CERS3: variants seen among roughly 807,000 people sequenced by gnomAD.
CERS3 encodes the protein LAG1 homolog, ceramide synthase 3.
CERS3 carries 33 observed loss-of-function variants against 50.3 expected under a neutral mutation model. That is an observed-to-expected ratio of 0.66 (90% CI 0.50 to 0.88). The LOEUF (loss-of-function observed/expected upper bound fraction) is 0.88, where lower values mean the gene tolerates loss of function less well. Among genes scored for constraint, CERS3 ranks in the 40% least tolerant of loss-of-function variants. The pLI is 0.00. For missense variants in CERS3, 470 were observed against 460.3 expected, an observed-to-expected ratio of 1.02 and a Z score of -0.19; for synonymous variants, 176 against 155.2, an observed-to-expected ratio of 1.13 and a Z score of -0.99.
chr15:100,520,535 C>A (rs1165627835), intron 2 of CERS3, among the ~76,000 whole-genome samples: 1 of 152,192 alleles, frequency 6.6e-6, no homozygotes, highest in African/African-American at 2.4e-5. Flanking sequence ...TCTTTGTGAG[C>A]AGGAAGTATT....
intron 3 of CERS3, among the ~76,000 whole-genome samples, chr15:100,491,636 G>A (rs145834244): frequency 2.4e-3 from 358 of 152,082 alleles, no homozygotes; most frequent in Non-Finnish European, 3.8e-3. Flanking sequence ...TTTCTAGTCC[G>A]TTAAGGTGGA....
intron 1 of CERS3, among the ~76,000 whole-genome samples, chr15:100,537,076 C>T (rs2037092770): frequency 6.6e-6 from 1 of 152,222 alleles, no homozygotes; most frequent in Non-Finnish European, 1.5e-5. Flanking sequence ...CCATATCCTA[C>T]CCTGCCACTT....
At chr15:100,409,108 G>A (rs180761312) in intron 11 of CERS3, among the ~76,000 whole-genome samples, 3 of 152,152 alleles carry the variant, frequency 2.0e-5, no homozygotes, top group Admixed American at 2.0e-4. Context: ...TATGAGGTTG[G>A]CTCTTCGTAT....
At chr15:100,530,433 C>A (rs1318151877), upstream of CERS3, among the ~76,000 whole-genome samples, 1 of 152,226 alleles carries the variant, frequency 6.6e-6, no homozygotes, top group Non-Finnish European at 1.5e-5. Flanking sequence ...GCTTCTGGGC[C>A]CTTGCCATGA....
At chr15:100,435,272 T>G (rs985181591) in intron 11 of CERS3, among the ~76,000 whole-genome samples, 3 of 152,150 alleles carry the variant, frequency 2.0e-5, no homozygotes, top group East Asian at 3.9e-4. Context: ...GTACGGAAGA[T>G]CCCTCGTGTG....
intron 11 of CERS3, among the ~76,000 whole-genome samples, chr15:100,446,322 A>G (rs2033938127): frequency 6.6e-6 from 1 of 152,066 alleles, no homozygotes; most frequent in African/African-American, 2.4e-5. Context: ...CTCTCAAGAA[A>G]ACAAGGTCAT....
chr15:100,405,987 G>T (rs2030995308), intron 11 of CERS3, among the ~76,000 whole-genome samples: 1 of 152,148 alleles, frequency 6.6e-6, no homozygotes, highest in African/African-American at 2.4e-5. Flanking sequence ...CTTCATGCAA[G>T]AACTCTTTCA....
chr15:100,431,777 TG>T (rs1284555217), intron 11 of CERS3, among the ~76,000 whole-genome samples: 2 of 152,228 alleles, frequency 1.3e-5, no homozygotes, highest in African/African-American at 2.4e-5. Flanking sequence ...TAGATTTAAC[TG>T]GTCTGTGTTG....
At chr15:100,512,195 T>C (rs1043981732) in intron 2 of CERS3, among the ~76,000 whole-genome samples, 4 of 152,234 alleles carry the variant, frequency 2.6e-5, no homozygotes, top group African/African-American at 9.6e-5. Flanking sequence ...TTAATGCCTC[T>C]CAACTCCAAA....
intron 2 of CERS3, among the ~76,000 whole-genome samples, chr15:100,511,948 C>T (rs12909740): frequency 3.4e-4 from 6 of 17,446 alleles, no homozygotes; most frequent in Non-Finnish European, 4.9e-4. Flanking sequence ...CGTAAGTCCA[C>T]TGGGAGCCTG....
chr15:100,470,052 C>T (rs774299180), intron 9 of CERS3, among the ~76,000 whole-genome samples: 3 of 152,092 alleles, frequency 2.0e-5, no homozygotes, highest in Non-Finnish European at 2.9e-5. Context: ...CTATACTGCT[C>T]ATATTATCTG....
chr15:100,423,060 C>A (rs1218577813), intron 11 of CERS3, among the ~76,000 whole-genome samples: 10 of 144,334 alleles, frequency 6.9e-5, no homozygotes, highest in Non-Finnish European at 1.4e-4. Flanking sequence ...ACATTGTGCA[C>A]ATGTACCCTA....
At chr15:100,422,932 T>C (rs1318600674) in intron 11 of CERS3, among the ~76,000 whole-genome samples, 8 of 49,228 alleles carry the variant, frequency 1.6e-4, no homozygotes, top group Non-Finnish European at 3.1e-4. Context: ...CTGGGGACTG[T>C]TGTGGGGTGG....
chr15:100,410,903 T>C (rs1427886579), intron 11 of CERS3, among the ~76,000 whole-genome samples: 3 of 149,666 alleles, frequency 2.0e-5, no homozygotes, highest in African/African-American at 7.6e-5. Flanking sequence ...ATCATCACCA[T>C]CCATTCCCAT....
At chr15:100,510,207 G>A (rs529181354) in intron 2 of CERS3, among the ~76,000 whole-genome samples, 2 of 152,182 alleles carry the variant, frequency 1.3e-5, no homozygotes, top group Admixed American at 6.5e-5. Context: ...TAACCTTGAA[G>A]GATATTTACT....
chr15:100,439,786 C>A (rs888105274), intron 11 of CERS3, among the ~76,000 whole-genome samples: 1 of 152,160 alleles, frequency 6.6e-6, no homozygotes, highest in Non-Finnish European at 1.5e-5. Flanking sequence ...AAACAGAGTA[C>A]ACATGCAAGA....
At chr15:100,482,799 A>T (rs1429337066) in intron 5 of CERS3, among the ~76,000 whole-genome samples, 1 of 152,084 alleles carries the variant, frequency 6.6e-6, no homozygotes, top group East Asian at 1.9e-4. Context: ...GTTAAGAAAT[A>T]AGCGCCCGGA....
At chr15:100,430,029 AAAGCCGGGCGCGGTGGC>A (rs1426812209) in intron 11 of CERS3, among the ~76,000 whole-genome samples, 1 of 151,942 alleles carries the variant, frequency 6.6e-6, no homozygotes, top group Admixed American at 6.6e-5. Context: ...AATGACCAAA[AAAGCCGGGCGCGGTGGC>A]TCACACCTGT....
chr15:100,417,494 A>G, intron 11 of CERS3, among the ~76,000 whole-genome samples: 1 of 151,984 alleles, frequency 6.6e-6, no homozygotes, highest in East Asian at 1.9e-4. Flanking sequence ...GGCAGCAGCG[A>G]GGCTGGGGGA....
Sources: allele counts gnomAD v4.1 joint callset (sites outside exome capture counted in the v4.1 genomes callset), GRCh38; gene constraint gnomAD v4.1.1; transcripts MANE v1.5; gene names NCBI Gene and HGNC (gene_info 2026-07-23, HGNC 2026-07-21).